Variants in MAPRE2 observed in about 807,000 individuals in gnomAD.
MAPRE2 encodes microtubule-associated protein RP/EB family member 2.
Under a neutral mutation model 43.2 loss-of-function variants are expected in MAPRE2, and 13 were observed. The ratio of observed to expected loss-of-function variants is 0.30; its 90% confidence interval spans 0.20 to 0.48. The LOEUF is 0.48. MAPRE2 is among the 20% of genes least tolerant of loss of function. The pLI is 0.99. For missense variants in MAPRE2, 161 were observed against 400.2 expected (o/e 0.40, Z 5.10); for synonymous variants, 135 against 148.8 (o/e 0.91, Z 0.68).
At chr18:34,980,347 A>G (rs563346687) in intron 1 of MAPRE2, among the ~76,000 whole-genome samples, 1 of 152,112 alleles carries the variant, frequency 6.6e-6, no homozygotes, top group South Asian at 2.1e-4. Flanking sequence ...AGGAGGAAAA[A>G]CAGTGTCTTG....
At chr18:34,979,519 G>A (rs2097014969) in intron 1 of MAPRE2, among the ~76,000 whole-genome samples, 1 of 151,426 alleles carries the variant, frequency 6.6e-6, no homozygotes. Context: ...GCTCTCTTCT[G>A]TTAGAAGGGG....
chr18:35,131,600 C>T (rs566424457), intron 5 of MAPRE2, among the ~76,000 whole-genome samples: 1 of 152,248 alleles, frequency 6.6e-6, no homozygotes, highest in South Asian at 2.1e-4. Context: ...ATGACAGCCA[C>T]CTCCCAAAGG....
intron 1 of MAPRE2, among the ~76,000 whole-genome samples, chr18:35,052,572 A>G (rs1018699884): frequency 6.6e-6 from 1 of 152,174 alleles, no homozygotes; most frequent in Non-Finnish European, 1.5e-5. Flanking sequence ...TCTGGGGAAA[A>G]TACTTAGGAG....
At chr18:34,987,475 A>T (rs891454699) in intron 1 of MAPRE2, among the ~76,000 whole-genome samples, 1 of 152,202 alleles carries the variant, frequency 6.6e-6, no homozygotes, top group Non-Finnish European at 1.5e-5. Flanking sequence ...TTTTCCACAC[A>T]TTAAATTGGT....
At chr18:34,993,111 A>G (rs1253675935) in intron 1 of MAPRE2, among the ~76,000 whole-genome samples, 1 of 152,164 alleles carries the variant, frequency 6.6e-6, no homozygotes, top group Non-Finnish European at 1.5e-5. Flanking sequence ...TTATTTATAA[A>G]TGAATGAATG....
chr18:35,102,035 C>T lies in MAPRE2; in HGVS notation c.486C>T (p.Tyr162=), dbSNP rs974055359. ...TTAAGAAATTCTATGATGCTAACTA[C>T]GATGGGAAGGAGTATGATCCTGTAG... ...QWFKKFYDAN[Y]DGKEYDPVEA... is the part of the protein sequence containing the mutation. The change falls in exon 4 of 7, where the codon TAC becomes TAT. Residue 162 remains tyrosine (Y), a synonymous_variant. Coordinates refer to ENST00000300249, the MANE Select transcript of MAPRE2 (RefSeq NM_014268.4). 6.2e-6 allele frequency: 10 copies of T among 1,613,364 alleles called. No homozygotes were observed. The highest frequency in any genetic ancestry group is 1.7e-5 in the Admixed American group (1 of 59,958).
intron 1 of MAPRE2, among the ~76,000 whole-genome samples, chr18:35,053,675 A>T (rs913059087): frequency 6.6e-6 from 1 of 151,906 alleles, no homozygotes; most frequent in African/African-American, 2.4e-5. Flanking sequence ...TGCATAGAAA[A>T]TTTTTTTTCT....
chr18:34,985,472 AT>A (rs375531138), intron 1 of MAPRE2, among the ~76,000 whole-genome samples: 2 of 50,438 alleles, frequency 4.0e-5, no homozygotes, highest in Non-Finnish European at 6.7e-5. Context: ...ATATTATATA[AT>A]ATATAATATA....
intron 1 of MAPRE2, among the ~76,000 whole-genome samples, chr18:35,064,001 A>AAAAAAAAAAAAAAAAAAT (rs1906699545): frequency 2.3e-5 from 1 of 44,420 alleles, no homozygotes; most frequent in Non-Finnish European, 3.7e-5. Flanking sequence ...CTGTCTCTTT[A>AAAAAAAAAAAAAAAAAAT]AAAAAAAAAA....
rs112063145 is a variant in MAPRE2 at position 35,055,649 on chromosome 18, GAC to G, written c.122+13994_122+13995del. ...ACATACACACAGGTACCCCTCACCA[GAC>G]ACACATAAAAGATGTTTAGGGCCAG... On this transcript the variant is annotated intron_variant, in intron 1 of 6. Coordinates refer to ENST00000300249, the MANE Select transcript of MAPRE2 (RefSeq NM_014268.4). Among the ~76,000 whole-genome samples, 90 of 151,930 alleles carry G rather than the reference GAC, an allele frequency of 5.9e-4. 2 individuals carry two copies. The highest frequency in any genetic ancestry group is 1.9e-3 in the African/African-American group (77 of 41,414).
At chr18:35,070,461 C>G (rs1907055027) in intron 2 of MAPRE2, 139 bp downstream of exon 2, 1 of 674,246 alleles carries the variant, frequency 1.5e-6, no homozygotes, top group Non-Finnish European at 2.3e-6. Context: ...GGGGGAAAAA[C>G]TCAGATATAA....
At chr18:34,994,706 A>T (rs1304402011) in intron 1 of MAPRE2, among the ~76,000 whole-genome samples, 1 of 152,132 alleles carries the variant, frequency 6.6e-6, no homozygotes, top group Non-Finnish European at 1.5e-5. Flanking sequence ...AATAATGATA[A>T]ATTTAATAAG....
At position 35,041,449 on chromosome 18, in the gene MAPRE2, C is replaced by T. The variant is rs577134420; in HGVS notation, c.-91C>T. On this transcript the variant is annotated 5_prime_UTR_variant, in exon 1 of 7. Transcript: ENST00000300249. ...GAGCGAGCAGGCGGCAGGCACGGTC[C>T]GTGCGGAGCAGGCGAGCGAGCGGGA... 748 of 1,601,266 alleles carry T rather than the reference C, an allele frequency of 4.7e-4. 13 individuals are homozygous for T. The East Asian group carries it at 0.016, about 34-fold the overall frequency.
intron 2 of MAPRE2, among the ~76,000 whole-genome samples, chr18:35,017,103 G>A (rs2097038783): frequency 1.3e-5 from 2 of 151,652 alleles, no homozygotes; most frequent in African/African-American, 4.8e-5. Flanking sequence ...TGAAGATCAG[G>A]TGGCTGTGTC....
intron 2 of MAPRE2, among the ~76,000 whole-genome samples, chr18:35,009,093 C>T (rs912131831): frequency 2.0e-5 from 3 of 151,660 alleles, no homozygotes; most frequent in African/African-American, 7.3e-5. Flanking sequence ...TATCTCAGAG[C>T]ATTTGACTTT....
chr18:35,119,406 GT>G lies in MAPRE2; in HGVS notation c.611-7539del, dbSNP rs1293162517. 5.3e-5 allele frequency among the ~76,000 whole-genome samples: 8 copies of G among 152,300 alleles called. No homozygotes were observed. In the East Asian group the frequency reaches 1.5e-3, roughly 29 times the overall value. The stretch of plus-strand genomic sequence containing the variant: ...TCTTGTTCATAGCACTTATTTTCTA[GT>G]TTATTCTATCACTTCCTAATTTATG... On this transcript the variant is annotated intron_variant, in intron 4 of 6. Transcript: ENST00000300249.
intron 2 of MAPRE2, among the ~76,000 whole-genome samples, chr18:35,075,580 A>G (rs1466174710): frequency 6.6e-6 from 1 of 152,208 alleles, no homozygotes; most frequent in Non-Finnish European, 1.5e-5. Context: ...ATCTTAGATT[A>G]TATTACTATT....
chr18:35,041,214 G>T (rs1905335896), upstream of MAPRE2: 1 of 807,680 alleles, frequency 1.2e-6, no homozygotes, highest in Non-Finnish European at 1.7e-6. Flanking sequence ...TTACATGCCA[G>T]ATGTAGGCCT....
intron 2 of MAPRE2, among the ~76,000 whole-genome samples, chr18:35,071,657 T>C (rs1050563251): frequency 2.0e-5 from 3 of 152,246 alleles, no homozygotes; most frequent in Non-Finnish European, 4.4e-5. Context: ...ATAAAGATTT[T>C]ATACAGTGCA....
Sources: allele counts gnomAD v4.1 joint callset (sites outside exome capture counted in the v4.1 genomes callset), GRCh38; gene constraint gnomAD v4.1.1; transcripts MANE v1.5; gene names NCBI Gene and HGNC (gene_info 2026-07-23, HGNC 2026-07-21).